Variants in CAD observed in about 807,000 individuals in gnomAD.
CAD encodes the protein multifunctional protein CAD.
CAD carries 81 observed loss-of-function variants against 237.2 expected under a neutral mutation model. The ratio of observed to expected loss-of-function variants is 0.34; its 90% confidence interval spans 0.29 to 0.41. The LOEUF is 0.41. Among genes scored for constraint, CAD ranks in the 10% least tolerant of loss-of-function variants. The probability of loss-of-function intolerance (pLI) is 1.00; values close to 1 mark genes in which losing one functional copy is unlikely to be tolerated. For missense variants in CAD, 2,181 were observed against 2,951.7 expected (o/e 0.74, Z 6.05); for synonymous variants, 1,196 against 1,162.8 (o/e 1.03, Z -0.58).
At chr2:27,217,768 C>G in intron 1 of CAD, 109 bp from the exon 2 acceptor site, 1 of 1,444,306 alleles carries the variant, frequency 6.9e-7, no homozygotes, top group African/African-American at 1.4e-5. Context: ...TGGGCCCCAG[C>G]GCCATAAACC....
At position 27,237,843 on chromosome 2, in the gene CAD, C is replaced by T. The variant is rs1362889060; in HGVS notation, c.4689C>T (p.Phe1563=). The change falls in exon 29 of 44, where the codon TTC becomes TTT. Residue 1563 remains phenylalanine (F), a synonymous_variant. Transcript: ENST00000264705. This position sits in a 1 kb window ranked among gnomAD's most constrained non-coding sequence, Gnocchi z 4.0. ...AGLKLYLNET[F]SELRLDSVVQ... Reference sequence around the variant, plus strand: ...TGAAGCTTTACCTCAATGAGACCTTCTCTGAGCTGCGGCTGGACAGCGTGG... The same window carrying T: ...TGAAGCTTTACCTCAATGAGACCTTTTCTGAGCTGCGGCTGGACAGCGTGG... 1.2e-6 allele frequency: 2 copies of T among 1,613,744 alleles called. No homozygotes were observed. Among genetic ancestry groups the T allele is most frequent in the African/African-American group, 2.7e-5 (2 of 74,936 alleles).
Position 27,233,078 on chromosome 2 carries a change from G to A in CAD, c.2929G>A (p.Glu977Lys). ...GACCATCATGGTGAACTATAACCCAGAGACAGTCAGCACCGACTATGACAT... is the reference window on the plus strand; with the variant it reads ...GACCATCATGGTGAACTATAACCCAAAGACAGTCAGCACCGACTATGACAT... ...YKTIMVNYNP[E>K]TVSTDYDMCD... The change falls in exon 19 of 44, where the codon GAG becomes AAG. Residue 977 changes from glutamate (E) to lysine (K), a missense_variant. Physicochemically the swap from Glu to Lys is moderately conservative, Grantham distance 56. Around this residue, in one of 12 missense-constraint regions of CAD, gnomAD observed 385 missense variants for 535.1 expected, o/e 0.72. Transcript: ENST00000264705. This position sits in a 1 kb window ranked among gnomAD's most constrained non-coding sequence, Gnocchi z 6.3. 1 of 1,613,708 alleles carries A rather than the reference G, an allele frequency of 6.2e-7. No homozygotes were observed. Among genetic ancestry groups the A allele is most frequent in the Non-Finnish European group, 8.5e-7 (1 of 1,179,590 alleles).
rs368609684 is a variant in CAD at position 27,243,430 on chromosome 2, C to T, written c.6590C>T (p.Ser2197Leu). 21 of 1,583,434 alleles carry T rather than the reference C, an allele frequency of 1.3e-5. No individual in the cohort carries two copies. The highest frequency in any genetic ancestry group is 1.6e-5 in the Non-Finnish European group (19 of 1,162,246). Residue 2197 changes from serine (S) to leucine (L), a missense_variant, in exon 44 of 44, where the codon TCG (serine) becomes TTG (leucine). Around this residue, in one of 12 missense-constraint regions of CAD, gnomAD observed 170 missense variants for 212.1 expected, o/e 0.80. Coordinates refer to ENST00000264705, the MANE Select transcript of CAD (RefSeq NM_004341.5). ...TTTTTTTGCAGCGTGGAAGTGGACTCGGATCCCCGCGCAGCCTACTTCCGC... is the reference window on the plus strand; with the variant it reads ...TTTTTTTGCAGCGTGGAAGTGGACTTGGATCCCCGCGCAGCCTACTTCCGC... Reference protein sequence around the residue: ...RVNEISVEVDSDPRAAYFRQA... With the variant: ...RVNEISVEVDLDPRAAYFRQA...
rs1674956139 is a variant in CAD at position 27,218,033 on chromosome 2, C to G, written c.222+17C>G. On this transcript the variant is annotated intron_variant, in intron 2 of 43. Coordinates refer to ENST00000264705, the MANE Select transcript of CAD (RefSeq NM_004341.5). ...CTCTGCAAGGTAGCCACACCCAGTG[C>G]TTTCTCTACATTCCTTTTCAAGTCA... 6.3e-7 allele frequency: 1 copy of G among 1,577,704 alleles called. No homozygotes were observed. The highest frequency in any genetic ancestry group is 8.6e-7 in the Non-Finnish European group (1 of 1,164,158).
chr2:27,217,616 C>A lies in CAD; in HGVS notation c.65C>A (p.Ser22Ter). 1 of 1,607,400 alleles carries A rather than the reference C, an allele frequency of 6.2e-7. No individual in the cohort carries two copies. The highest frequency in any genetic ancestry group is 2.3e-5 in the East Asian group (1 of 44,428). The part of the protein sequence containing the change: ...LRGQPFGAAV[S>*]TAGEVVFQTG... ...GGCCAGCCCTTTGGGGCCGCCGTGT[C>A]GACTGCCGGGGAAGTGGGTAAGCAA... The change falls in exon 1 of 44, where the codon TCG becomes TAG. Residue 22 changes from serine to a stop codon, truncating the protein, a stop_gained. Transcript: ENST00000264705. LOFTEE classifies it high-confidence loss of function.
rs751940560 is a variant in CAD, at chr2:27,237,733, G to A, written c.4579G>A (p.Ala1527Thr). The A allele has an allele frequency of 9.3e-6, 15 of 1,613,314 alleles. No homozygotes were observed. The highest frequency in any genetic ancestry group is 8.0e-5 in the African/African-American group (6 of 74,956). Residue 1527 changes from alanine to threonine, a missense_variant, in exon 29 of 44, where the codon GCC becomes ACC. By Grantham distance (58) the Ala-to-Thr change is moderately conservative (BLOSUM62 0). Transcript: ENST00000264705. This position sits in a 1 kb window ranked among gnomAD's most constrained non-coding sequence, Gnocchi z 4.0. ...TCCTCTCCAGCTGGCAGAGGCTGGCGCCCGGTGCGACTTTGCGCTATTCCT... is the reference window on the plus strand; with the variant it reads ...TCCTCTCCAGCTGGCAGAGGCTGGCACCCGGTGCGACTTTGCGCTATTCCT... The part of the protein sequence containing the change: ...ALAQKLAEAG[A>T]RCDFALFLGA...
In CAD at chr2:27,243,596, C is replaced by T; in HGVS notation, c.*78C>T. On this transcript the variant is annotated 3_prime_UTR_variant, in exon 44 of 44. Transcript: ENST00000264705. ...TCCAGTGCCTCCTACGGGGGCAGCA[C>T]ACTTAGATATTCCTGGACATCCAGA... 1 of 1,060,692 alleles carries T rather than the reference C, an allele frequency of 9.4e-7. No individual in the cohort carries two copies. The highest frequency in any genetic ancestry group is 1.4e-5 in the South Asian group (1 of 71,020). 65.7% of individuals were successfully genotyped at this position (1,060,692 alleles called of 1,614,324 possible). A position where few individuals can be genotyped will look rare whatever the true frequency, so the allele number is the denominator to read the frequency against.
At position 27,240,512 on chromosome 2, in the gene CAD, C is replaced by T; in HGVS notation, c.5593+151C>T. On this transcript the variant is annotated intron_variant, in intron 35 of 43. Coordinates refer to ENST00000264705, the MANE Select transcript of CAD (RefSeq NM_004341.5). This position sits in a 1 kb window ranked among gnomAD's most constrained non-coding sequence, Gnocchi z 4.6. ...CCATCCTTTGCCTAAACAAGTCTCC[C>T]CGGTGTGAGTAGACATCTCACAGCT... 3.3e-6 allele frequency: 5 copies of T among 1,527,872 alleles called. No individual in the cohort carries two copies. The highest frequency in any genetic ancestry group is 4.4e-6 in the Non-Finnish European group (5 of 1,124,210). The allele number at this position is 1,527,872 out of a possible 1,614,324, so 94.6% of individuals were successfully genotyped here.
rs1193050310 is a variant in CAD at position 27,240,251 on chromosome 2, C to T, written c.5497-14C>T. The T allele has an allele frequency of 9.4e-6, 15 of 1,598,582 alleles. No individual in the cohort carries two copies. Among genetic ancestry groups the T allele is most frequent in the Non-Finnish European group, 1.2e-5 (14 of 1,166,922 alleles). On this transcript the variant is annotated splice_polypyrimidine_tract_variant and intron_variant, in intron 34 of 43. Transcript: ENST00000264705. This position sits in a 1 kb window ranked among gnomAD's most constrained non-coding sequence, Gnocchi z 4.6. ...AAAAAAAAAAACAACTCTGGGCCAA[C>T]GTTATCCCTCCAGACACCTGAAAGA...
At chr2:27,221,728 T>C (rs1050992714) in intron 3 of CAD, among the ~76,000 whole-genome samples, 1 of 149,668 alleles carries the variant, frequency 6.7e-6, no homozygotes, top group Non-Finnish European at 1.5e-5. Context: ...AATACAAGTG[T>C]CCAGGCAATG....
In CAD at chr2:27,238,154, A is replaced by AT. The variant is rs1356809625; in HGVS notation, c.4827_4828insT (p.Val1610CysfsTer16). ...TGGTGGCTCAGCTCACTCAGCGCTC[A>AT]GTGCACATATGTCACGTGGCACGGA... On this transcript the variant is annotated frameshift_variant, in exon 30 of 44. Transcript: ENST00000264705. LOFTEE classifies it high-confidence loss of function. The AT allele has an allele frequency of 6.2e-7, 1 of 1,614,176 alleles. No homozygotes were observed. The highest frequency in any genetic ancestry group is 2.2e-5 in the East Asian group (1 of 44,890).
chr2:27,222,633 C>T lies in CAD; in HGVS notation c.610C>T (p.Pro204Ser). ...GCGTGGGGCTGAGGTCACTGTGGTA[C>T]CCTGGGACCATGCACTAGACAGCCA... is the stretch of plus-strand genomic sequence containing the variant. ...CQRGAEVTVV[P>S]WDHALDSQEY... Residue 204 changes from proline (P) to serine (S), a missense_variant, in exon 5 of 44, where the codon CCC (proline) becomes TCC (serine). Physicochemically the swap from Pro to Ser is moderately conservative, Grantham distance 74. Coordinates refer to ENST00000264705, the MANE Select transcript of CAD (RefSeq NM_004341.5). The T allele has an allele frequency of 6.2e-7, 1 of 1,613,998 alleles. No individual in the cohort carries two copies. Among genetic ancestry groups the T allele is most frequent in the Middle Eastern group, 1.7e-4 (1 of 6,060 alleles).
At chr2:27,223,273 A>C (rs1675268174) in intron 6 of CAD, among the ~76,000 whole-genome samples, 2 of 152,192 alleles carry the variant, frequency 1.3e-5, no homozygotes. Context: ...TCTACTAAAA[A>C]TACAAAAGTT....
At chr2:27,231,109 C>A (rs1237259694) in intron 15 of CAD, among the ~76,000 whole-genome samples, 1 of 152,208 alleles carries the variant, frequency 6.6e-6, no homozygotes, top group Non-Finnish European at 1.5e-5. Flanking sequence ...GGGTTCACGC[C>A]ATTTTCCTGC....
intron 2 of CAD, 105 bp downstream of exon 2, chr2:27,218,121 C>T (rs1674961944): frequency 1.0e-6 from 1 of 982,932 alleles, no homozygotes; most frequent in African/African-American, 1.7e-5. Flanking sequence ...CTGCAGAAAA[C>T]ATACCCACTG....
chr2:27,232,182 G>A lies in CAD; in HGVS notation c.2603G>A (p.Cys868Tyr), dbSNP rs1460842130. The change falls in exon 17 of 44, where the codon TGT becomes TAT. Residue 868 changes from cysteine (C) to tyrosine (Y), a missense_variant. Transcript: ENST00000264705. The surrounding 1 kb of genome is among the most constrained non-coding windows in gnomAD (Gnocchi z 4.1). Reference sequence around the variant, plus strand: ...CCAGACCTGCTGCAACAGGCCAAGTGTCTTGGCTTCTCAGACAAACAGATT... The same window carrying A: ...CCAGACCTGCTGCAACAGGCCAAGTATCTTGGCTTCTCAGACAAACAGATT... ...LPPDLLQQAK[C>Y]LGFSDKQIAL... The A allele has an allele frequency of 1.2e-6, 2 of 1,614,126 alleles. No homozygotes were observed. The highest frequency in any genetic ancestry group is 1.7e-6 in the Non-Finnish European group (2 of 1,180,058).
In CAD at chr2:27,237,737, G is replaced by A. The variant is rs925539009; in HGVS notation, c.4583G>A (p.Arg1528Gln). 9.3e-6 allele frequency: 15 copies of A among 1,613,692 alleles called. No individual in the cohort carries two copies. The highest frequency in any genetic ancestry group is 1.7e-5 in the Admixed American group (1 of 59,962). The change falls in exon 29 of 44, where the codon CGG becomes CAG. Residue 1528 changes from arginine (R) to glutamine (Q), a missense_variant. Transcript: ENST00000264705. This position sits in a 1 kb window ranked among gnomAD's most constrained non-coding sequence, Gnocchi z 4.0. ...CTCCAGCTGGCAGAGGCTGGCGCCC[G>A]GTGCGACTTTGCGCTATTCCTTGGG... is the stretch of plus-strand genomic sequence containing the variant. ...LAQKLAEAGARCDFALFLGAS... is the reference protein window; with the variant it reads ...LAQKLAEAGAQCDFALFLGAS...
Position 27,226,203 on chromosome 2 carries a change from A to G in CAD, c.1915A>G (p.Thr639Ala), listed in dbSNP as rs1489506999. 1.2e-6 allele frequency: 2 copies of G among 1,614,178 alleles called. No homozygotes were observed. ...GTCCATAGTGGTGGCCCCTAGCCAG[A>G]CACTGAATGACAGGGAGTATCAGCT... The part of the protein sequence containing the change: ...GESIVVAPSQ[T>A]LNDREYQLLR... Residue 639 changes from threonine (T) to alanine (A), a missense_variant, in exon 13 of 44, where the codon ACA (threonine) becomes GCA (alanine). Thr to Ala is a moderately conservative substitution (Grantham distance 58, BLOSUM62 0). Coordinates refer to ENST00000264705, the MANE Select transcript of CAD (RefSeq NM_004341.5).
At position 27,242,994 on chromosome 2, in the gene CAD, A is replaced by G. The variant is rs369892533; in HGVS notation, c.6480+21A>G. 2 of 1,568,122 alleles carry G rather than the reference A, an allele frequency of 1.3e-6. No homozygotes were observed. The highest frequency in any genetic ancestry group is 1.7e-6 in the Non-Finnish European group (2 of 1,146,650). On this transcript the variant is annotated intron_variant, in intron 42 of 43. Coordinates refer to ENST00000264705, the MANE Select transcript of CAD (RefSeq NM_004341.5). This position sits in a 1 kb window ranked among gnomAD's most constrained non-coding sequence, Gnocchi z 6.4. ...AAGCTGTGAGTGCTGGGCTTGAGGA[A>G]GAAGCCAGGGCTGCTGCCGTAGGGC...
Sources: allele counts gnomAD v4.1 joint callset (sites outside exome capture counted in the v4.1 genomes callset), GRCh38; gene constraint gnomAD v4.1.1; regional missense constraint gnomAD v4.1.1; non-coding constraint Gnocchi (gnomAD v3.1); transcripts MANE v1.5; gene names NCBI Gene and HGNC (gene_info 2026-07-23, HGNC 2026-07-21).